Variants in FAM3B observed in about 807,000 individuals in gnomAD.
FAM3B encodes protein FAM3B.
A neutral mutation model predicts 28.4 loss-of-function variants in FAM3B; 29 were observed. The ratio of observed to expected loss-of-function variants is 1.02; its 90% CI spans 0.76 to 1.39. The LOEUF (loss-of-function observed/expected upper bound fraction) is 1.39, where lower values mean the gene tolerates loss of function less well. FAM3B is among the 40% of genes most tolerant of loss of function. The probability of loss-of-function intolerance (pLI) is 0.00; values close to 1 mark genes in which losing one functional copy is unlikely to be tolerated. For synonymous variants in FAM3B, 91 were observed against 103.0 expected, an observed-to-expected ratio of 0.88 and a Z score of 0.71; for missense variants, 266 against 293.9, an observed-to-expected ratio of 0.91 and a Z score of 0.69.
At chr21:41,344,155 C>T (rs951660382) in intron 3 of FAM3B, among the ~76,000 whole-genome samples, 3 of 152,224 alleles carry the variant, frequency 2.0e-5, no homozygotes, top group African/African-American at 7.2e-5. Context: ...CAATAAAGTG[C>T]ATCTGTGAAG....
chr21:41,350,981 A>AC lies in FAM3B; in HGVS notation c.618+2264dup, dbSNP rs1016111918. Among the ~76,000 whole-genome samples the AC allele has an allele frequency of 1.2e-4, 18 of 151,548 alleles. 1 individual carries two copies. Among genetic ancestry groups the AC allele is most frequent in the Admixed American group, 2.6e-4 (4 of 15,196 alleles). On this transcript the variant is annotated intron_variant, in intron 7 of 7. Transcript: ENST00000357985. ...AGCCCGGGCGTTGTGCCACACAGGG[A>AC]CCCCCCCATGCACACGAGCGTCTGT...
upstream of FAM3B, among the ~76,000 whole-genome samples, chr21:41,311,970 AG>A (rs1431670182): frequency 6.6e-6 from 1 of 152,184 alleles, no homozygotes; most frequent in Non-Finnish European, 1.5e-5. Flanking sequence ...AGGCAAAGAA[AG>A]CTCTTGTGCA....
intron 7 of FAM3B, among the ~76,000 whole-genome samples, 186 bp from the exon 8 acceptor site, chr21:41,356,922 A>G (rs114902577): frequency 1.6e-3 from 244 of 152,306 alleles, no homozygotes; most frequent in African/African-American, 5.7e-3. Context: ...TACTCCAAAA[A>G]TATGTACATC....
At chr21:41,328,657 A>T (rs1007540457) in intron 2 of FAM3B, among the ~76,000 whole-genome samples, 1 of 152,236 alleles carries the variant, frequency 6.6e-6, no homozygotes, top group Non-Finnish European at 1.5e-5. Flanking sequence ...ATTTTTAAAA[A>T]GGGAGAAGAA....
chr21:41,320,935 C>A (rs8132556), intron 1 of FAM3B: 37,248 of 152,106 alleles, frequency 0.24, 6,263 homozygotes, highest in African/African-American at 0.48. Context: ...CTGGGGCCAC[C>A]GTTACCTATT....
intron 7 of FAM3B, among the ~76,000 whole-genome samples, chr21:41,349,653 T>A (rs1481167854): frequency 1.3e-5 from 2 of 152,136 alleles, no homozygotes; most frequent in Admixed American, 1.3e-4. Context: ...CTCGGCATCT[T>A]CTTGTTGCCA....
upstream of FAM3B, among the ~76,000 whole-genome samples, chr21:41,315,425 AT>A (rs1167727220): frequency 2.0e-5 from 3 of 152,190 alleles, no homozygotes; most frequent in East Asian, 3.9e-4. Context: ...TAGGTTGTGC[AT>A]TTTTTAGCCA....
intron 2 of FAM3B, among the ~76,000 whole-genome samples, chr21:41,329,347 A>T (rs368971874): frequency 3.0e-4 from 46 of 152,304 alleles, no homozygotes; most frequent in African/African-American, 1.1e-3. Context: ...GTCCTGCCTC[A>T]TCCCACGGGG....
intron 1 of FAM3B, among the ~76,000 whole-genome samples, chr21:41,310,879 T>C (rs997858116): frequency 6.6e-6 from 1 of 152,200 alleles, no homozygotes; most frequent in African/African-American, 2.4e-5. Flanking sequence ...CATTTAATCT[T>C]AACAGTTCCT....
At chr21:41,349,832 A>G (rs1407118797) in intron 7 of FAM3B, among the ~76,000 whole-genome samples, 1 of 152,096 alleles carries the variant, frequency 6.6e-6, no homozygotes, top group Non-Finnish European at 1.5e-5. Flanking sequence ...GCATGCATCT[A>G]CACAAGCATG....
intron 2 of FAM3B, among the ~76,000 whole-genome samples, 185 bp downstream of exon 2, chr21:41,323,251 G>C (rs2088826519): frequency 6.6e-6 from 1 of 152,190 alleles, no homozygotes; most frequent in South Asian, 2.1e-4. Flanking sequence ...TGCCGCTGCT[G>C]ACCCCATGTG....
intron 1 of FAM3B, among the ~76,000 whole-genome samples, chr21:41,318,634 C>T (rs555580610): frequency 6.6e-6 from 1 of 152,290 alleles, no homozygotes; most frequent in East Asian, 1.9e-4. Flanking sequence ...CTCCTGGCCT[C>T]TCAAGTACAA....
chr21:41,327,167 A>G (rs1247751544), intron 2 of FAM3B, among the ~76,000 whole-genome samples: 1 of 152,378 alleles, frequency 6.6e-6, no homozygotes, highest in Non-Finnish European at 1.5e-5. Flanking sequence ...TTTTAGAATG[A>G]AAAATGTATT....
At chr21:41,334,071 T>C (rs2088930670) in intron 2 of FAM3B, among the ~76,000 whole-genome samples, 2 of 152,256 alleles carry the variant, frequency 1.3e-5, no homozygotes, top group Admixed American at 1.3e-4. Context: ...GCATTTAAGA[T>C]ATGGCCTGGC....
chr21:41,316,931 G>T (rs752370241), intron 1 of FAM3B, 33 bp downstream of exon 1: 1 of 1,322,324 alleles, frequency 7.6e-7, no homozygotes, highest in Non-Finnish European at 9.7e-7. Flanking sequence ...GCGAGGGTAG[G>T]GGCGGGGAAG....
chr21:41,330,465 AG>A (rs1443732655), intron 2 of FAM3B, among the ~76,000 whole-genome samples: 1 of 152,240 alleles, frequency 6.6e-6, no homozygotes, highest in East Asian at 1.9e-4. Flanking sequence ...TGTGAATAAC[AG>A]GAGGACCACT....
intron 7 of FAM3B, among the ~76,000 whole-genome samples, chr21:41,352,844 T>G (rs2145834787): frequency 7.4e-6 from 1 of 135,628 alleles, no homozygotes; most frequent in African/African-American, 3.2e-5. Context: ...AGTAAAACTA[T>G]TTCTGTTTGC....
intron 1 of FAM3B, 144 bp from the exon 2 acceptor site, chr21:41,322,779 G>A: frequency 8.3e-7 from 1 of 1,198,720 alleles, no homozygotes; most frequent in Non-Finnish European, 1.2e-6. Flanking sequence ...CCCACCCTGG[G>A]AGCCTCCTCC....
chr21:41,315,493 G>T (rs1264588988), upstream of FAM3B, among the ~76,000 whole-genome samples: 2 of 151,792 alleles, frequency 1.3e-5, 1 homozygote, highest in Admixed American at 1.3e-4. Flanking sequence ...CTGAAGTCAG[G>T]TGAGCTAAAG....
Sources: gnomAD v4.1 joint callset for allele counts (sites outside exome capture counted in the v4.1 genomes callset) on GRCh38, gnomAD v4.1.1 for gene constraint, MANE v1.5 for transcripts, NCBI Gene and HGNC (gene_info 2026-07-23, HGNC 2026-07-21) for gene names.